RIMS3: variants seen among roughly 807,000 people sequenced by gnomAD.
RIMS3 encodes regulating synaptic membrane exocytosis 3, also known as regulating synaptic membrane exocytosis protein 3.
In RIMS3, 15 loss-of-function variants were observed where a neutral mutation model predicts 29.2. The observed-to-expected ratio is 0.51, with a 90% CI of 0.34 to 0.79. RIMS3 has a LOEUF of 0.79. RIMS3 is among the 30% of genes least tolerant of loss of function. The pLI is 0.01. For synonymous variants in RIMS3, 161 were observed against 170.1 expected, an observed-to-expected ratio of 0.95 and a Z score of 0.41; for missense variants, 342 against 421.4, an observed-to-expected ratio of 0.81 and a Z score of 1.65.
chr1:40,663,096 C>G (rs561569693), intron 1 of RIMS3, among the ~76,000 whole-genome samples: 1 of 152,258 alleles, frequency 6.6e-6, no homozygotes, highest in African/African-American at 2.4e-5. Flanking sequence ...TAGGAGACAG[C>G]CCCACTGTCA....
chr1:40,644,291 C>T (rs567414562), intron 2 of RIMS3, among the ~76,000 whole-genome samples: 1 of 152,338 alleles, frequency 6.6e-6, no homozygotes, highest in South Asian at 2.1e-4. Flanking sequence ...CAAAAGCATC[C>T]TACCTGATGC....
upstream of RIMS3, among the ~76,000 whole-genome samples, chr1:40,670,574 TTATATATATATATATATATATATATA>T (rs553412097): frequency 4.2e-5 from 3 of 71,190 alleles, 1 homozygote; most frequent in East Asian, 8.7e-4. Context: ...AGTTATAATT[TTATATATATATATATATATATATATA>T]TATATATATT....
chr1:40,688,355 T>C, the RIMS3 span, among the ~76,000 whole-genome samples: 522 of 152,308 alleles, frequency 3.4e-3, 4 homozygotes, highest in Non-Finnish European at 4.6e-3. Flanking sequence ...GGTTCTGTTA[T>C]ACAGTGCTAT....
chr1:40,657,676 G>A (rs1301962901), intron 1 of RIMS3, among the ~76,000 whole-genome samples: 1 of 149,404 alleles, frequency 6.7e-6, no homozygotes, highest in Non-Finnish European at 1.5e-5. Context: ...GAGCCCAGGA[G>A]TTCAAAGCTG....
chr1:40,665,519 C>T lies in RIMS3; in HGVS notation c.-332G>A, dbSNP rs1642411387. The T allele has an allele frequency of 6.6e-6, 1 of 152,216 alleles. No homozygotes were observed. The highest frequency in any genetic ancestry group is 2.4e-5 in the African/African-American group (1 of 41,456). 9.4% of individuals were successfully genotyped at this position (152,216 alleles called of 1,614,324 possible). On this transcript the variant is annotated 5_prime_UTR_variant, in exon 1 of 8. Transcript: ENST00000372684. ...CCCGGCAGTAGGCGCGGCCCGGCCC[C>T]AGGCTGGCGCGGACTCCGAGTGGAT...
intron 1 of RIMS3, among the ~76,000 whole-genome samples, chr1:40,661,575 C>T (rs1395199587): frequency 1.3e-5 from 2 of 152,220 alleles, no homozygotes; most frequent in African/African-American, 4.8e-5. Context: ...CCTGCTCCCA[C>T]CCCCAGCCAG....
the RIMS3 span, among the ~76,000 whole-genome samples, chr1:40,686,057 G>A: frequency 2.6e-5 from 4 of 152,156 alleles, no homozygotes; most frequent in African/African-American, 9.7e-5. Context: ...GCTAAGGCAG[G>A]AGAATAGCTC....
At chr1:40,632,686 G>C (rs969399562) in intron 5 of RIMS3, among the ~76,000 whole-genome samples, 1 of 151,686 alleles carries the variant, frequency 6.6e-6, no homozygotes, top group African/African-American at 2.4e-5. Context: ...CAGAACCCAT[G>C]GATACAGAGG....
intron 1 of RIMS3, among the ~76,000 whole-genome samples, chr1:40,660,163 G>A (rs1369163555): frequency 6.6e-6 from 1 of 152,094 alleles, no homozygotes; most frequent in African/African-American, 2.4e-5. Flanking sequence ...TTATAGGGGT[G>A]TGGGACGGGA....
intron 5 of RIMS3, among the ~76,000 whole-genome samples, chr1:40,632,416 A>ATT (rs1441581919): frequency 6.5e-5 from 6 of 92,674 alleles, no homozygotes; most frequent in South Asian, 7.2e-4. Context: ...ATACATATAA[A>ATT]TTTATATATA....
Position 40,621,746 on chromosome 1 carries a change from C to G in RIMS3, c.*4771G>C, listed in dbSNP as rs1263753003. On this transcript the variant is annotated 3_prime_UTR_variant, in exon 8 of 8. Transcript: ENST00000372684. ...CAGCTGTCCCTGTCCAGATCACTGG[C>G]TAATGGGGTGGATGCTCAGTTGCCC... is the stretch of plus-strand genomic sequence containing the variant. The G allele has an allele frequency of 1.3e-5, 2 of 152,218 alleles. No individual in the cohort carries two copies. The allele number at this position is 152,218 out of a possible 1,614,324, so 9.4% of individuals were successfully genotyped here.
At chr1:40,663,775 G>C (rs950099625) in intron 1 of RIMS3, among the ~76,000 whole-genome samples, 1 of 152,128 alleles carries the variant, frequency 6.6e-6, no homozygotes, top group Non-Finnish European at 1.5e-5. Context: ...AGAAGGGACC[G>C]TGGTCCCTGC....
intron 1 of RIMS3, among the ~76,000 whole-genome samples, chr1:40,664,585 C>G (rs1246927431): frequency 1.3e-5 from 2 of 152,118 alleles, no homozygotes; most frequent in Non-Finnish European, 2.9e-5. Flanking sequence ...TGAAACAGGC[C>G]CCAAGTGGCA....
At position 40,646,310 on chromosome 1, in the gene RIMS3, AC is replaced by A. The variant is rs199937906; in HGVS notation, c.-32+1357del. ...AAGGAGGGCCATCCACTGCATAGCA[AC>A]CCCTGAGCCATCAGACCACAGGGAT... On this transcript the variant is annotated intron_variant, in intron 2 of 7. Transcript: ENST00000372684. 9.2e-5 allele frequency among the ~76,000 whole-genome samples: 14 copies of A among 152,184 alleles called. No individual in the cohort carries two copies. In the East Asian group the frequency reaches 2.1e-3, roughly 23 times the overall value.
At position 40,635,382 on chromosome 1, in the gene RIMS3, T is replaced by C. The variant is rs1646513111; in HGVS notation, c.359+534A>G. Among the ~76,000 whole-genome samples, 1 of 152,242 alleles carries C rather than the reference T, an allele frequency of 6.6e-6. No individual in the cohort carries two copies. Among genetic ancestry groups the C allele is most frequent in the Non-Finnish European group, 1.5e-5 (1 of 68,038 alleles). On this transcript the variant is annotated intron_variant, in intron 4 of 7. Transcript: ENST00000372684. The surrounding 1 kb of genome is among the most constrained non-coding windows in gnomAD (Gnocchi z 4.1). ...CAAAAGTTCACGAGGCAATTTATTC[T>C]TACTTCATAAGATATGTCTATTTCT... is the stretch of plus-strand genomic sequence containing the variant.
chr1:40,665,323 C>G (rs1412446186), intron 1 of RIMS3, 71 bp downstream of exon 1: 2 of 152,394 alleles, frequency 1.3e-5, no homozygotes, highest in African/African-American at 2.4e-5. Context: ...CCCCCTCCCC[C>G]CGTGGTCCTC....
rs1188255752 is a variant in RIMS3 at position 40,630,053 on chromosome 1, C to T, written c.473-681G>A. On this transcript the variant is annotated intron_variant, in intron 5 of 7. Coordinates refer to ENST00000372684, the MANE Select transcript of RIMS3 (RefSeq NM_014747.3). ...CACCACAGCACTCCGGCCTGGGTGA[C>T]GAGGAAGACTCCGTCTCAAAAAAAA... Among the ~76,000 whole-genome samples, 4 of 129,562 alleles carry T rather than the reference C, an allele frequency of 3.1e-5. 1 individual carries two copies. Among genetic ancestry groups the T allele is most frequent in the South Asian group, 4.7e-4 (2 of 4,288 alleles). 85.0% of individuals were successfully genotyped at this position (129,562 alleles called of 152,430 possible). A position where few individuals can be genotyped will look rare whatever the true frequency, so the allele number is the denominator to read the frequency against.
In RIMS3 at chr1:40,620,960, T is replaced by G. The variant is rs942371299; in HGVS notation, c.*5557A>C. 9 of 152,636 alleles carry G rather than the reference T, an allele frequency of 5.9e-5. No individual in the cohort carries two copies. Among genetic ancestry groups the G allele is most frequent in the African/African-American group, 2.2e-4 (9 of 41,454 alleles). 9.5% of individuals were successfully genotyped at this position (152,636 alleles called of 1,614,324 possible). On this transcript the variant is annotated 3_prime_UTR_variant, in exon 8 of 8. Coordinates refer to ENST00000372684, the MANE Select transcript of RIMS3 (RefSeq NM_014747.3). ...CTATCTCTCTCTTTGCAGGATGCAT[T>G]TGGAAAGTCTAAAAAAAGGGGTTCT...
chr1:40,647,115 G>A (rs1646601180), intron 2 of RIMS3, among the ~76,000 whole-genome samples: 1 of 152,044 alleles, frequency 6.6e-6, no homozygotes, highest in Admixed American at 6.6e-5. Context: ...TCCTGACCTC[G>A]TGATCTGCCC....
Sources: allele counts gnomAD v4.1 joint callset (sites outside exome capture counted in the v4.1 genomes callset), GRCh38; gene constraint gnomAD v4.1.1; non-coding constraint Gnocchi (gnomAD v3.1); transcripts MANE v1.5; gene names NCBI Gene and HGNC (gene_info 2026-07-23, HGNC 2026-07-21).